CGNL1: variants seen among roughly 807,000 people sequenced by gnomAD.
CGNL1 encodes the protein cingulin-like protein 1.
Under a neutral mutation model 141.2 loss-of-function variants are expected in CGNL1, and 132 were observed. The ratio of observed to expected loss-of-function variants is 0.93; its 90% CI spans 0.81 to 1.08. The LOEUF is 1.08. CGNL1 is among the 50% of genes least tolerant of loss of function. CGNL1 has a pLI of 0.00. For missense variants in CGNL1, 1,870 were observed against 1,588.6 expected, an observed-to-expected ratio of 1.18 and a Z score of -3.01; for synonymous variants, 690 against 622.1, an observed-to-expected ratio of 1.11 and a Z score of -1.63.
At chr15:57,472,162 C>T (rs893891120) in intron 8 of CGNL1, among the ~76,000 whole-genome samples, 4 of 151,970 alleles carry the variant, frequency 2.6e-5, no homozygotes, top group East Asian at 1.9e-4. Flanking sequence ...TTGAGGAAAA[C>T]GATGATGGAA....
chr15:57,411,238 G>A (rs2062783479), intron 1 of CGNL1, among the ~76,000 whole-genome samples: 1 of 152,114 alleles, frequency 6.6e-6, no homozygotes, highest in African/African-American at 2.4e-5. Flanking sequence ...CATCACAGCT[G>A]TCTAGAGCCT....
intron 1 of CGNL1, among the ~76,000 whole-genome samples, chr15:57,411,016 C>A (rs1398361904): frequency 6.6e-6 from 1 of 151,914 alleles, no homozygotes; most frequent in Non-Finnish European, 1.5e-5. Context: ...CCACAAAGAC[C>A]AAGTTTTTTA....
intron 8 of CGNL1, among the ~76,000 whole-genome samples, chr15:57,494,434 T>C (rs1398727205): frequency 6.6e-6 from 1 of 152,214 alleles, no homozygotes; most frequent in Non-Finnish European, 1.5e-5. Flanking sequence ...CCACCCTTTT[T>C]CTTTGTTCCT....
chr15:57,455,906 G>T (rs2063373939), intron 7 of CGNL1, among the ~76,000 whole-genome samples: 1 of 152,190 alleles, frequency 6.6e-6, no homozygotes, highest in African/African-American at 2.4e-5. Flanking sequence ...ACCTGTTCGT[G>T]ATGTTGCTGG....
Position 57,531,725 on chromosome 15 carries a change from A to G in CGNL1, c.3237A>G (p.Glu1079=). ...KVSQLEMELE[E]ERNNSDLLSE... ...CTCAACTGGAGATGGAACTGGAAGA[A>G]GAGAGAAACAACTCAGATTTGCTGT... Residue 1079 remains glutamate (E), a synonymous_variant, in exon 14 of 19, where the codon GAA becomes GAG. Transcript: ENST00000281282. 1 of 1,613,398 alleles carries G rather than the reference A, an allele frequency of 6.2e-7. No homozygotes were observed. The highest frequency in any genetic ancestry group is 8.5e-7 in the Non-Finnish European group (1 of 1,179,320).
intron 8 of CGNL1, among the ~76,000 whole-genome samples, chr15:57,512,794 G>GT: frequency 6.6e-6 from 1 of 152,254 alleles, no homozygotes; most frequent in South Asian, 2.1e-4. Context: ...ACATCTAAGT[G>GT]TTCTTTGCTT....
chr15:57,548,639 A>G lies in CGNL1; in HGVS notation c.*1149A>G, dbSNP rs1328042532. 6.6e-6 allele frequency: 1 copy of G among 152,166 alleles called. No homozygotes were observed. Among genetic ancestry groups the G allele is most frequent in the Non-Finnish European group, 1.5e-5 (1 of 68,058 alleles). The allele number at this position is 152,166 out of a possible 1,614,324, so 9.4% of individuals were successfully genotyped here. A position where few individuals can be genotyped will look rare whatever the true frequency, so the allele number is the denominator to read the frequency against. On this transcript the variant is annotated 3_prime_UTR_variant, in exon 19 of 19. Coordinates refer to ENST00000281282, the MANE Select transcript of CGNL1 (RefSeq NM_032866.5). ...AGTCACTGATTGCAATTTCTTTTAC[A>G]CAGGTTGGGTAGGGAGAGTTGTAGG...
chr15:57,411,033 A>G (rs540574261), intron 1 of CGNL1, among the ~76,000 whole-genome samples: 1 of 152,354 alleles, frequency 6.6e-6, no homozygotes, highest in South Asian at 2.1e-4. Context: ...TTTAAAAAAT[A>G]ACTTTTGAAG....
At chr15:57,510,077 C>T (rs1427729194) in intron 8 of CGNL1, among the ~76,000 whole-genome samples, 1 of 152,100 alleles carries the variant, frequency 6.6e-6, no homozygotes, top group Non-Finnish European at 1.5e-5. Flanking sequence ...GAAGTCTAGG[C>T]TTGATTTTTT....
At chr15:57,429,433 G>A (rs1040550973) in intron 1 of CGNL1, among the ~76,000 whole-genome samples, 9 of 152,314 alleles carry the variant, frequency 5.9e-5, no homozygotes, top group Middle Eastern at 3.4e-3. Context: ...CCAGATTTGC[G>A]CTTAGAGAGA....
intron 12 of CGNL1, among the ~76,000 whole-genome samples, chr15:57,525,089 A>G (rs1356709031): frequency 2.6e-5 from 4 of 152,190 alleles, no homozygotes; most frequent in Non-Finnish European, 4.4e-5. Context: ...TCATGTTTTA[A>G]TTTAATCCTA....
At chr15:57,464,785 TG>T (rs1274411898) in intron 8 of CGNL1, among the ~76,000 whole-genome samples, 1 of 150,778 alleles carries the variant, frequency 6.6e-6, no homozygotes, top group Non-Finnish European at 1.5e-5. Flanking sequence ...AGTCTTGCTC[TG>T]TCACCCTGGT....
At chr15:57,415,718 T>C (rs2062841047) in intron 1 of CGNL1, among the ~76,000 whole-genome samples, 2 of 152,208 alleles carry the variant, frequency 1.3e-5, no homozygotes. Context: ...TCTCCCTCAG[T>C]GCCTGGCACG....
intron 1 of CGNL1, among the ~76,000 whole-genome samples, chr15:57,431,844 C>G (rs137969460): frequency 6.6e-6 from 1 of 152,034 alleles, no homozygotes; most frequent in African/African-American, 2.4e-5. Context: ...GATTGGCCAC[C>G]CCGGATTTAG....
intron 4 of CGNL1, among the ~76,000 whole-genome samples, chr15:57,450,764 A>G (rs1206421175): frequency 6.6e-6 from 1 of 152,154 alleles, no homozygotes; most frequent in Admixed American, 6.5e-5. Flanking sequence ...ATTGTTTTAT[A>G]TATTTTTGTC....
At chr15:57,442,253 A>G (rs2063198701) in intron 3 of CGNL1, 120 bp from the exon 4 acceptor site, 2 of 435,166 alleles carry the variant, frequency 4.6e-6, no homozygotes, top group East Asian at 5.0e-5. Flanking sequence ...GCTTTAATTA[A>G]TTCACAGCTC....
chr15:57,534,484 A>G (rs1338360634), intron 14 of CGNL1, among the ~76,000 whole-genome samples: 1 of 152,126 alleles, frequency 6.6e-6, no homozygotes, highest in African/African-American at 2.4e-5. Flanking sequence ...TTCTCATTCA[A>G]AGTTGAGGTT....
At chr15:57,382,851 C>A (rs28507951) in intron 1 of CGNL1, among the ~76,000 whole-genome samples, 30,764 of 152,066 alleles carry the variant, frequency 0.2, 3,512 homozygotes, top group East Asian at 0.49. Context: ...GGTATTCCAA[C>A]TAGGACTGTT....
chr15:57,485,146 A>T (rs2063771274), intron 8 of CGNL1, among the ~76,000 whole-genome samples: 1 of 152,084 alleles, frequency 6.6e-6, no homozygotes, highest in African/African-American at 2.4e-5. Flanking sequence ...TGTTTAAAAC[A>T]AAATTTTCTT....
Sources: allele counts gnomAD v4.1 joint callset (sites outside exome capture counted in the v4.1 genomes callset), GRCh38; gene constraint gnomAD v4.1.1; transcripts MANE v1.5; gene names NCBI Gene and HGNC (gene_info 2026-07-23, HGNC 2026-07-21).